SGK3: variants seen among roughly 807,000 people sequenced by gnomAD.
SGK3 encodes serine/threonine-protein kinase Sgk3.
A neutral mutation model predicts 68.5 loss-of-function variants in SGK3; 47 were observed. The observed-to-expected ratio is 0.69, with a 90% confidence interval of 0.54 to 0.87. The LOEUF (loss-of-function observed/expected upper bound fraction) is 0.87, where lower values mean the gene tolerates loss of function less well. Ranked by LOEUF, SGK3 falls within the 40% of genes least tolerant of loss-of-function variation. The pLI is 0.00. For synonymous variants in SGK3, 181 were observed against 189.1 expected (o/e 0.96, Z 0.35); for missense variants, 479 against 575.5 (o/e 0.83, Z 1.72).
intron 3 of SGK3, among the ~76,000 whole-genome samples, chr8:66,802,228 C>T (rs1296501122): frequency 6.6e-6 from 1 of 152,092 alleles, no homozygotes; most frequent in Non-Finnish European, 1.5e-5. Context: ...TTTGAAACTA[C>T]AGAAATCAGG....
At chr8:66,730,985 C>T (rs34080617) in intron 1 of SGK3, among the ~76,000 whole-genome samples, 1 of 152,104 alleles carries the variant, frequency 6.6e-6, no homozygotes, top group Non-Finnish European at 1.5e-5. Context: ...CCACACCTGG[C>T]CAAAAGTATT....
chr8:66,765,816 G>A (rs1004113080), intron 1 of SGK3, among the ~76,000 whole-genome samples: 1 of 152,096 alleles, frequency 6.6e-6, no homozygotes, highest in Admixed American at 6.6e-5. Flanking sequence ...CTGAGGTCAG[G>A]AGTTTGAGAC....
intron 1 of SGK3, among the ~76,000 whole-genome samples, chr8:66,757,787 C>T (rs1312580760): frequency 6.6e-6 from 1 of 150,788 alleles, no homozygotes; most frequent in Non-Finnish European, 1.5e-5. Flanking sequence ...TGGTGGCGGG[C>T]ACCTGTAATC....
chr8:66,787,950 A>C (rs1206838040), intron 1 of SGK3, among the ~76,000 whole-genome samples: 1 of 152,172 alleles, frequency 6.6e-6, no homozygotes, highest in Non-Finnish European at 1.5e-5. Context: ...TACTGCTCAG[A>C]GTTCTGCCCA....
At chr8:66,767,831 C>A in intron 1 of SGK3, 3 of 1,487,148 alleles carry the variant, frequency 2.0e-6, no homozygotes, top group Non-Finnish European at 1.9e-6. Flanking sequence ...TTTCTGGTAG[C>A]TTTAGGTAAG....
chr8:66,749,215 A>T (rs999985388), intron 1 of SGK3, among the ~76,000 whole-genome samples: 2 of 152,148 alleles, frequency 1.3e-5, no homozygotes, highest in Non-Finnish European at 2.9e-5. Flanking sequence ...GTTTCATCTT[A>T]TAGAAAAGTT....
At chr8:66,778,776 G>A (rs1806830650) in intron 1 of SGK3, among the ~76,000 whole-genome samples, 1 of 152,184 alleles carries the variant, frequency 6.6e-6, no homozygotes, top group South Asian at 2.1e-4. Flanking sequence ...TTTATAGAGG[G>A]GAGTGGGTGT....
intron 1 of SGK3, among the ~76,000 whole-genome samples, chr8:66,784,209 A>G (rs1205876663): frequency 6.6e-6 from 1 of 152,108 alleles, no homozygotes; most frequent in Non-Finnish European, 1.5e-5. Context: ...TACTTTTGCA[A>G]TTTATGTGCA....
At chr8:66,791,861 T>C (rs1015849902) in intron 1 of SGK3, among the ~76,000 whole-genome samples, 1 of 152,168 alleles carries the variant, frequency 6.6e-6, no homozygotes, top group Non-Finnish European at 1.5e-5. Context: ...GACAGTAGAT[T>C]GCTGTGACAG....
At chr8:66,847,006 T>A (rs962133628) in intron 14 of SGK3, among the ~76,000 whole-genome samples, 187 bp from the exon 15 acceptor site, 1 of 152,238 alleles carries the variant, frequency 6.6e-6, no homozygotes. Flanking sequence ...GAACACTTAT[T>A]AAGCTCTGTG....
At chr8:66,750,153 G>A (rs994063591) in intron 1 of SGK3, among the ~76,000 whole-genome samples, 3 of 152,088 alleles carry the variant, frequency 2.0e-5, no homozygotes, top group South Asian at 4.1e-4. Flanking sequence ...ATTCAAGGAA[G>A]AGATGAGTCA....
intron 4 of SGK3, among the ~76,000 whole-genome samples, chr8:66,804,985 G>A (rs903409159): frequency 1.3e-5 from 2 of 151,430 alleles, no homozygotes; most frequent in South Asian, 2.1e-4. Context: ...AGGCTGAGGC[G>A]AGAGGATAGC....
chr8:66,857,799 A>ATGTGTGTGTGTGTGTGTGTG (rs111758415), intron 16 of SGK3, among the ~76,000 whole-genome samples: 4 of 133,716 alleles, frequency 3.0e-5, no homozygotes, highest in Non-Finnish European at 6.5e-5. Flanking sequence ...GTGTGTGTGT[A>ATGTGTGTGTGTGTGTGTGTG]TGTGTGTGTG....
In SGK3 at chr8:66,744,483, GTATATATATATATA is replaced by G. The variant is rs869176585; in HGVS notation, c.-122+31674_-122+31687del. 3.4e-4 allele frequency among the ~76,000 whole-genome samples: 14 copies of G among 40,756 alleles called. No individual in the cohort carries two copies. The East Asian group carries it at 4.1e-3, about 12-fold the overall frequency. 26.7% of individuals were successfully genotyped at this position (40,756 alleles called of 152,430 possible). ...TATATATGCATATATGTGTGTGTGT[GTATATATATATATA>G]TATATATATATATATATATATATTT... On this transcript the variant is annotated intron_variant, in intron 1 of 16. Coordinates refer to ENST00000521198, the MANE Select transcript of SGK3 (RefSeq NM_001033578.3).
chr8:66,739,827 G>A (rs1805428928), intron 1 of SGK3, among the ~76,000 whole-genome samples: 1 of 152,232 alleles, frequency 6.6e-6, no homozygotes, highest in Non-Finnish European at 1.5e-5. Context: ...CATCAGGGGA[G>A]AGAAGAATGA....
At chr8:66,754,120 C>CA (rs1434387370) in intron 1 of SGK3, among the ~76,000 whole-genome samples, 17 of 152,120 alleles carry the variant, frequency 1.1e-4, no homozygotes, top group African/African-American at 3.1e-4. Flanking sequence ...AGGTGGGACT[C>CA]ACATAAGCTT....
In SGK3 at chr8:66,777,673, C is replaced by T. The variant is rs190306778; in HGVS notation, c.-121-15943C>T. On this transcript the variant is annotated intron_variant, in intron 1 of 16. Coordinates refer to ENST00000521198, the MANE Select transcript of SGK3 (RefSeq NM_001033578.3). ...TCATTTTAATTTGACACTTACAGCC[C>T]TGCAGTTCCCTTTTCAAGTGACTTC... 2.9e-3 allele frequency among the ~76,000 whole-genome samples: 437 copies of T among 152,306 alleles called. 3 individuals carry two copies. The highest frequency in any genetic ancestry group is 0.01 in the African/African-American group (426 of 41,568).
At chr8:66,817,362 CA>C (rs777229251) in intron 5 of SGK3, among the ~76,000 whole-genome samples, 6 of 151,454 alleles carry the variant, frequency 4.0e-5, no homozygotes, top group Admixed American at 1.3e-4. Flanking sequence ...ACCTGGGAGG[CA>C]GAGGTTGCAG....
At chr8:66,760,330 CT>C (rs201559163) in intron 1 of SGK3, among the ~76,000 whole-genome samples, 416 of 115,640 alleles carry the variant, frequency 3.6e-3, no homozygotes, top group Non-Finnish European at 5.7e-3. Flanking sequence ...TTTCTTTTTT[CT>C]TTTTTTTTTT....
Sources: gnomAD v4.1 joint callset for allele counts (sites outside exome capture counted in the v4.1 genomes callset) on GRCh38, gnomAD v4.1.1 for gene constraint, MANE v1.5 for transcripts, NCBI Gene and HGNC (gene_info 2026-07-23, HGNC 2026-07-21) for gene names.